ITGA9: variants seen among roughly 807,000 people sequenced by gnomAD.
The protein encoded by ITGA9 is integrin subunit alpha 9, also known as integrin alpha-9.
A neutral mutation model predicts 127.8 loss-of-function variants in ITGA9; 56 were observed. The observed-to-expected ratio is 0.44, with a 90% CI of 0.35 to 0.55. The LOEUF is 0.55. Ranked by LOEUF, ITGA9 falls within the 20% of genes least tolerant of loss-of-function variation. ITGA9 has a pLI of 0.00. For synonymous variants in ITGA9, 508 were observed against 514.5 expected (o/e 0.99, Z 0.17); for missense variants, 1,196 against 1,347.1 (o/e 0.89, Z 1.76).
At chr3:37,648,173 C>A (rs1353020211) in intron 16 of ITGA9, among the ~76,000 whole-genome samples, 1 of 152,056 alleles carries the variant, frequency 6.6e-6, no homozygotes, top group Non-Finnish European at 1.5e-5. Flanking sequence ...TTCTCCATGC[C>A]CTCACTAACA....
chr3:37,780,029 C>G lies in ITGA9; in HGVS notation c.2787+8C>G. 1 of 1,613,716 alleles carries G rather than the reference C, an allele frequency of 6.2e-7. No individual in the cohort carries two copies. The highest frequency in any genetic ancestry group is 2.2e-5 in the East Asian group (1 of 44,866). On this transcript the variant is annotated splice_region_variant and intron_variant, in intron 25 of 27. Transcript: ENST00000264741. ...ACAGAAATACTGAAAAAGGTAAGCC[C>G]TAATGAACCGCACTTGTGGATGCAT...
At chr3:37,576,366 T>C (rs565738863) in intron 15 of ITGA9, among the ~76,000 whole-genome samples, 1 of 152,338 alleles carries the variant, frequency 6.6e-6, no homozygotes, top group African/African-American at 2.4e-5. Context: ...TATTTTTCTT[T>C]AACAAGAGAA....
chr3:37,630,322 T>C (rs1700219495), intron 16 of ITGA9, among the ~76,000 whole-genome samples: 1 of 152,192 alleles, frequency 6.6e-6, no homozygotes, highest in Non-Finnish European at 1.5e-5. Context: ...TAAGTGGGGT[T>C]CCCTAGAAGC....
intron 15 of ITGA9, among the ~76,000 whole-genome samples, chr3:37,624,458 C>G (rs1055137981): frequency 6.6e-6 from 1 of 152,062 alleles, no homozygotes; most frequent in African/African-American, 2.4e-5. Flanking sequence ...CCACTAAACC[C>G]ATGTGGCAGC....
At chr3:37,533,586 C>A in intron 14 of ITGA9, 118 bp downstream of exon 14, 1 of 943,378 alleles carries the variant, frequency 1.1e-6, no homozygotes, top group Non-Finnish European at 1.6e-6. Context: ...AGCAGGCACA[C>A]AGGCTGGACA....
intron 15 of ITGA9, among the ~76,000 whole-genome samples, chr3:37,627,561 C>T (rs1700188567): frequency 6.6e-6 from 1 of 152,194 alleles, no homozygotes; most frequent in African/African-American, 2.4e-5. Context: ...AAACAACAAA[C>T]AAAACAGAAT....
intron 6 of ITGA9, among the ~76,000 whole-genome samples, chr3:37,505,721 G>A (rs975343159): frequency 6.6e-6 from 1 of 152,170 alleles, no homozygotes; most frequent in African/African-American, 2.4e-5. Flanking sequence ...ACTATGCCTT[G>A]AAAAGAAGAA....
intron 5 of ITGA9, among the ~76,000 whole-genome samples, chr3:37,502,249 A>G (rs898082027): frequency 1.8e-5 from 2 of 112,632 alleles, no homozygotes; most frequent in African/African-American, 3.6e-5. Context: ...GAGTCTTGCT[A>G]TGTCACCCAG....
intron 15 of ITGA9, among the ~76,000 whole-genome samples, chr3:37,563,174 T>C (rs1052890573): frequency 6.6e-6 from 1 of 152,158 alleles, no homozygotes; most frequent in Non-Finnish European, 1.5e-5. Flanking sequence ...CCATTTTGAG[T>C]TAATTTTTGT....
At position 37,768,301 on chromosome 3, in the gene ITGA9, C is replaced by T. The variant is rs546229801; in HGVS notation, c.2542-9091C>T. ...TTATTTATCTTTCTAGAACTAGACA[C>T]CTTAGGTCAGGCTAATCAACCAGCT... is the stretch of plus-strand genomic sequence containing the variant. On this transcript the variant is annotated intron_variant, in intron 23 of 27. Coordinates refer to ENST00000264741, the MANE Select transcript of ITGA9 (RefSeq NM_002207.3). Among the ~76,000 whole-genome samples the T allele has an allele frequency of 3.3e-5, 5 of 152,236 alleles. No homozygotes were observed. In the East Asian group the frequency reaches 9.7e-4, roughly 29 times the overall value.
chr3:37,736,253 C>T (rs145962596), intron 19 of ITGA9, among the ~76,000 whole-genome samples: 17 of 152,186 alleles, frequency 1.1e-4, no homozygotes, highest in Admixed American at 9.8e-4. Flanking sequence ...CACAAACATT[C>T]AGCGCATAAG....
At chr3:37,801,822 G>C (rs959068823) in intron 26 of ITGA9, among the ~76,000 whole-genome samples, 5 of 152,166 alleles carry the variant, frequency 3.3e-5, no homozygotes, top group African/African-American at 1.2e-4. Context: ...CTGTCTTGCG[G>C]ATGAGAAAAC....
At chr3:37,732,251 C>T (rs1427794790) in intron 18 of ITGA9, among the ~76,000 whole-genome samples, 1 of 152,114 alleles carries the variant, frequency 6.6e-6, no homozygotes, top group East Asian at 1.9e-4. Context: ...ACAGCCCAGC[C>T]CTCACTGCTT....
chr3:37,542,800 G>A (rs574183008), intron 15 of ITGA9, among the ~76,000 whole-genome samples: 21 of 152,160 alleles, frequency 1.4e-4, no homozygotes, highest in East Asian at 5.8e-4. Flanking sequence ...AAGGGGGGTC[G>A]TGGTGGTCTA....
At chr3:37,497,590 A>G (rs1698744479) in intron 5 of ITGA9, among the ~76,000 whole-genome samples, 1 of 152,222 alleles carries the variant, frequency 6.6e-6, no homozygotes, top group African/African-American at 2.4e-5. Context: ...TGTGATAGAA[A>G]CTAACTACGT....
chr3:37,767,399 T>C (rs1244518043), intron 23 of ITGA9, among the ~76,000 whole-genome samples: 1 of 152,214 alleles, frequency 6.6e-6, no homozygotes, highest in Non-Finnish European at 1.5e-5. Context: ...AGAAAGCAAG[T>C]ATTTTATTTA....
At chr3:37,777,228 C>A (rs1438140354) in intron 23 of ITGA9, among the ~76,000 whole-genome samples, 164 bp from the exon 24 acceptor site, 1 of 152,208 alleles carries the variant, frequency 6.6e-6, no homozygotes. Context: ...GTTGATGCTA[C>A]AACTTCTGCC....
intron 15 of ITGA9, among the ~76,000 whole-genome samples, chr3:37,607,685 G>C (rs1001462106): frequency 1.2e-4 from 18 of 152,176 alleles, no homozygotes; most frequent in African/African-American, 4.3e-4. Flanking sequence ...TTTGCATGGT[G>C]TAGATTTAGA....
At chr3:37,643,572 T>A (rs1038268143) in intron 16 of ITGA9, among the ~76,000 whole-genome samples, 1 of 152,214 alleles carries the variant, frequency 6.6e-6, no homozygotes, top group Non-Finnish European at 1.5e-5. Context: ...AAATCATGGT[T>A]TCCTCAAACT....
Sources: allele counts gnomAD v4.1 joint callset (sites outside exome capture counted in the v4.1 genomes callset), GRCh38; gene constraint gnomAD v4.1.1; transcripts MANE v1.5; gene names NCBI Gene and HGNC (gene_info 2026-07-23, HGNC 2026-07-21).